Variants in LRRC4C observed in about 807,000 individuals in gnomAD.
LRRC4C encodes leucine-rich repeat-containing protein 4C.
LRRC4C carries 5 observed loss-of-function variants against 33.6 expected under a neutral mutation model. That is an observed-to-expected ratio of 0.15 (90% CI 0.08 to 0.31). The LOEUF (loss-of-function observed/expected upper bound fraction) is 0.31, where lower values mean the gene tolerates loss of function less well. Among genes scored for constraint, LRRC4C ranks in the 10% least tolerant of loss-of-function variants. The pLI, the probability that LRRC4C is intolerant of heterozygous loss-of-function variation, is 1.00. For missense variants in LRRC4C, 560 were observed against 796.7 expected (o/e 0.70, Z 3.58); for synonymous variants, 329 against 302.0 (o/e 1.09, Z -0.93).
rs1939018252 is a variant in LRRC4C at position 41,075,024 on chromosome 11, T to TA, written c.-495-141302_-495-141301insT. 1.8e-4 allele frequency among the ~76,000 whole-genome samples: 3 copies of TA among 16,516 alleles called. 1 individual carries two copies. In the Admixed American group the frequency reaches 2.6e-3, roughly 15 times the overall value. The allele number at this position is 16,516 out of a possible 152,430, so 10.8% of individuals were successfully genotyped here. A position where few individuals can be genotyped will look rare whatever the true frequency, so the allele number is the denominator to read the frequency against. On this transcript the variant is annotated intron_variant, in intron 1 of 6. Transcript: ENST00000528697. The stretch of plus-strand genomic sequence containing the variant: ...ACAACCTTCAATTTTCTTTTTTTTT[T>TA]TTTTTTTTTTTTATTTTTAATGTTT...
intron 1 of LRRC4C, among the ~76,000 whole-genome samples, chr11:40,989,724 A>G (rs550751372): frequency 2.4e-4 from 37 of 152,142 alleles, no homozygotes; most frequent in Non-Finnish European, 3.5e-4. Context: ...TGCTGCAGCT[A>G]TAAGTTTTGC....
At chr11:40,159,079 A>G (rs565349383) in intron 5 of LRRC4C, among the ~76,000 whole-genome samples, 1 of 152,210 alleles carries the variant, frequency 6.6e-6, no homozygotes, top group South Asian at 2.1e-4. Context: ...AGCAAAGTGC[A>G]CATTTCTACG....
At position 41,193,903 on chromosome 11, in the gene LRRC4C, A is replaced by G. The variant is rs963361688; in HGVS notation, c.-495-260180T>C. ...ATATAAAAACATTTTTAGAGAAATA[A>G]TACAGCCAAAAAGAGAGAAATTGTG... On this transcript the variant is annotated intron_variant, in intron 1 of 6. Transcript: ENST00000528697. Among the ~76,000 whole-genome samples, 3 of 152,172 alleles carry G rather than the reference A, an allele frequency of 2.0e-5. No homozygotes were observed. The South Asian group carries it at 6.2e-4, about 32-fold the overall frequency.
rs555739195 is a variant in LRRC4C at position 40,734,635 on chromosome 11, C to T, written c.-406-86357G>A. ...CGTAAGTCACCTCATGACAGAATCA[C>T]ACCACATAGCTAATTATGACTAACC... On this transcript the variant is annotated intron_variant, in intron 2 of 6. Transcript: ENST00000528697. 1.6e-4 allele frequency among the ~76,000 whole-genome samples: 25 copies of T among 152,236 alleles called. No homozygotes were observed. In the East Asian group the frequency reaches 2.9e-3, roughly 18 times the overall value.
intron 2 of LRRC4C, among the ~76,000 whole-genome samples, chr11:40,856,459 C>T (rs1314417947): frequency 6.6e-6 from 1 of 152,110 alleles, no homozygotes; most frequent in Non-Finnish European, 1.5e-5. Context: ...TCAGAAGAAA[C>T]ATTCATTAGC....
chr11:40,531,243 T>C (rs184916095), intron 3 of LRRC4C, among the ~76,000 whole-genome samples: 5 of 152,210 alleles, frequency 3.3e-5, no homozygotes, highest in Admixed American at 6.6e-5. Context: ...ATTATCAACA[T>C]TGGGTAGGCT....
At chr11:40,314,516 C>T (rs971633889) in intron 4 of LRRC4C, among the ~76,000 whole-genome samples, 3 of 152,090 alleles carry the variant, frequency 2.0e-5, no homozygotes, top group East Asian at 1.9e-4. Flanking sequence ...ACAAATAGAA[C>T]TGCCATGTGA....
intron 2 of LRRC4C, among the ~76,000 whole-genome samples, chr11:40,919,764 T>C (rs968307417): frequency 9.9e-5 from 15 of 151,900 alleles, no homozygotes; most frequent in Admixed American, 3.3e-4. Flanking sequence ...ATAATTATTA[T>C]GAATGTATAG....
At chr11:40,968,696 A>G (rs1303297630) in intron 1 of LRRC4C, among the ~76,000 whole-genome samples, 1 of 152,124 alleles carries the variant, frequency 6.6e-6, no homozygotes, top group Non-Finnish European at 1.5e-5. Flanking sequence ...CTTGGATGAG[A>G]GTACATCTGT....
intron 2 of LRRC4C, among the ~76,000 whole-genome samples, chr11:40,753,911 T>C (rs1445504423): frequency 6.6e-6 from 1 of 151,846 alleles, no homozygotes; most frequent in African/African-American, 2.4e-5. Flanking sequence ...AGAATGACTA[T>C]GATAAAAAGA....
rs186723395 is a variant in LRRC4C at position 41,313,609 on chromosome 11, G to A, written c.-496+145822C>T. On this transcript the variant is annotated intron_variant, in intron 1 of 6. Coordinates refer to ENST00000528697, the MANE Select transcript of LRRC4C (RefSeq NM_001258419.2). ...ATAGTAATTCAGGGATAGAGATAGT[G>A]CTTAGAATACAAATGATTGTTAAAG... 3.0e-4 allele frequency among the ~76,000 whole-genome samples: 45 copies of A among 152,238 alleles called. 1 individual carries two copies. The East Asian group carries it at 7.9e-3, about 27-fold the overall frequency.
In LRRC4C at chr11:40,548,028, T is replaced by G. The variant is rs374896533; in HGVS notation, c.-270+100114A>C. 2.5e-4 allele frequency among the ~76,000 whole-genome samples: 38 copies of G among 152,062 alleles called. 1 individual carries two copies. The South Asian group carries it at 7.9e-3, about 32-fold the overall frequency. On this transcript the variant is annotated intron_variant, in intron 3 of 6. Coordinates refer to ENST00000528697, the MANE Select transcript of LRRC4C (RefSeq NM_001258419.2). ...AAACACGGAGAATCAGTGAAGTGAA[T>G]AGTATGTCAAAGATTAGTAAATGCT...
intron 3 of LRRC4C, among the ~76,000 whole-genome samples, chr11:40,339,692 G>A (rs1182171224): frequency 2.6e-5 from 4 of 152,052 alleles, no homozygotes; most frequent in Non-Finnish European, 2.9e-5. Flanking sequence ...GAAAATTTTT[G>A]TTAATCATAA....
intron 2 of LRRC4C, among the ~76,000 whole-genome samples, chr11:40,856,799 T>G (rs1034192527): frequency 6.6e-6 from 1 of 152,196 alleles, no homozygotes; most frequent in Non-Finnish European, 1.5e-5. Context: ...AGCATCTGAG[T>G]GCAGAGAACA....
intron 2 of LRRC4C, among the ~76,000 whole-genome samples, chr11:40,924,320 C>T (rs1437109075): frequency 6.6e-6 from 1 of 151,934 alleles, no homozygotes; most frequent in Non-Finnish European, 1.5e-5. Flanking sequence ...GGATGTGGTT[C>T]TTTAATTGAA....
chr11:40,916,708 A>T, intron 2 of LRRC4C, among the ~76,000 whole-genome samples: 1 of 150,412 alleles, frequency 6.6e-6, no homozygotes, highest in East Asian at 1.9e-4. Flanking sequence ...AAAAATAAAT[A>T]AATAAAAATA....
At chr11:41,090,701 G>A (rs1050691211) in intron 1 of LRRC4C, among the ~76,000 whole-genome samples, 1 of 152,118 alleles carries the variant, frequency 6.6e-6, no homozygotes, top group Non-Finnish European at 1.5e-5. Flanking sequence ...GTGAGAAGGT[G>A]ATTGCATCTT....
Position 40,124,992 on chromosome 11 carries a change from T to C in LRRC4C, c.-42-8658A>G, listed in dbSNP as rs1035670255. On this transcript the variant is annotated intron_variant, in intron 6 of 6. Transcript: ENST00000528697. ...AAGAATATATATATATATAAATAAA[T>C]TCTATTTCCTAACCATTTAAAAATT... Among the ~76,000 whole-genome samples, 4 of 151,788 alleles carry C rather than the reference T, an allele frequency of 2.6e-5. No homozygotes were observed. The South Asian group carries it at 8.3e-4, about 31-fold the overall frequency.
At chr11:40,240,264 T>C (rs1454243199) in intron 5 of LRRC4C, among the ~76,000 whole-genome samples, 1 of 152,234 alleles carries the variant, frequency 6.6e-6, no homozygotes, top group Non-Finnish European at 1.5e-5. Context: ...ATACCTTTCA[T>C]TCACATTATA....
Sources: allele counts gnomAD v4.1 joint callset (sites outside exome capture counted in the v4.1 genomes callset), GRCh38; gene constraint gnomAD v4.1.1; transcripts MANE v1.5; gene names NCBI Gene and HGNC (gene_info 2026-07-23, HGNC 2026-07-21).